FTCD: variants seen among roughly 807,000 people sequenced by gnomAD.
FTCD encodes formimidoyltransferase-cyclodeaminase.
In FTCD, 76 loss-of-function variants were observed where a neutral mutation model predicts 62.9. The ratio of observed to expected loss-of-function variants is 1.21; its 90% confidence interval spans 1.00 to 1.46. The LOEUF (loss-of-function observed/expected upper bound fraction) is 1.46. Ranked by LOEUF, FTCD falls within the 40% of genes most tolerant of loss-of-function variation. The pLI is 0.00. For synonymous variants in FTCD, 397 were observed against 336.9 expected, an observed-to-expected ratio of 1.18 and a Z score of -1.95; for missense variants, 845 against 751.3, an observed-to-expected ratio of 1.12 and a Z score of -1.46.
chr21:46,136,356 G>A (rs1390088976), downstream of FTCD: 24 of 1,341,736 alleles, frequency 1.8e-5, no homozygotes, highest in African/African-American at 1.6e-4. Flanking sequence ...TCTCCCAGGA[G>A]CCACTGGTTG....
intron 7 of FTCD, chr21:46,146,533 C>A: frequency 1.7e-6 from 1 of 599,878 alleles, no homozygotes. Flanking sequence ...GCAGGCACCC[C>A]GTACAGGCTT....
chr21:46,136,577 T>C (rs773489540), downstream of FTCD: 88 of 1,562,600 alleles, frequency 5.6e-5, no homozygotes, highest in Non-Finnish European at 7.5e-5. Context: ...CCCCAGGTCC[T>C]CTGAATACCT....
downstream of FTCD, chr21:46,136,422 G>A: frequency 2.5e-6 from 4 of 1,612,282 alleles, no homozygotes; most frequent in Non-Finnish European, 3.4e-6. Flanking sequence ...GAACTGTCCA[G>A]ACCTGCCGGG....
chr21:46,147,095 C>T (rs1296813857), intron 7 of FTCD, among the ~76,000 whole-genome samples: 1 of 152,244 alleles, frequency 6.6e-6, no homozygotes, highest in Non-Finnish European at 1.5e-5. Context: ...CAGCCTGGAG[C>T]TGGGTCTGCC....
chr21:46,143,139 G>A (rs961112235), intron 10 of FTCD, among the ~76,000 whole-genome samples: 2 of 152,172 alleles, frequency 1.3e-5, no homozygotes, highest in Admixed American at 1.3e-4. Context: ...GTGCCTGTGT[G>A]TGGATTCCAC....
In FTCD at chr21:46,146,019, C is replaced by T. The variant is rs184055045; in HGVS notation, c.969-72G>A. On this transcript the variant is annotated intron_variant, in intron 8 of 13. Coordinates refer to ENST00000397746, the MANE Select transcript of FTCD (RefSeq NM_206965.2). ...GGAGCGCAGTCCTCCCGGGGCGGCC[C>T]CAGGCCCCACGCCCGTCTGCACCCA... 787 of 948,976 alleles carry T rather than the reference C, an allele frequency of 8.3e-4. 3 individuals carry two copies. The African/African-American group carries it at 9.1e-3, about 11-fold the overall frequency. 58.8% of individuals were successfully genotyped at this position (948,976 alleles called of 1,614,324 possible).
In FTCD at chr21:46,145,810, G is replaced by C. The variant is rs758427060; in HGVS notation, c.1098+8C>G. The C allele has an allele frequency of 1.5e-4, 20 of 133,438 alleles. No individual in the cohort carries two copies. The highest frequency in any genetic ancestry group is 1.7e-4 in the Non-Finnish European group (19 of 109,580). 8.3% of individuals were successfully genotyped at this position (133,438 alleles called of 1,614,324 possible). A position where few individuals can be genotyped will look rare whatever the true frequency, so the allele number is the denominator to read the frequency against. Reference sequence around the variant, plus strand: ...CTGCGCCTCCCCTGCCCCTCCCCCCGCGCTCACCATGGCCGCAGCGGCCGC... The same window carrying C: ...CTGCGCCTCCCCTGCCCCTCCCCCCCCGCTCACCATGGCCGCAGCGGCCGC... On this transcript the variant is annotated splice_region_variant and intron_variant, in intron 9 of 13. Coordinates refer to ENST00000397746, the MANE Select transcript of FTCD (RefSeq NM_206965.2).
chr21:46,154,352 C>G lies in FTCD; in HGVS notation c.55-20G>C, dbSNP rs1031609889. 1 of 1,603,578 alleles carries G rather than the reference C, an allele frequency of 6.2e-7. No homozygotes were observed. The highest frequency in any genetic ancestry group is 1.3e-5 in the African/African-American group (1 of 74,642). On this transcript the variant is annotated intron_variant, in intron 1 of 13. Coordinates refer to ENST00000397746, the MANE Select transcript of FTCD (RefSeq NM_206965.2). ...GATCACCTGGGACACAGGCCCGGCC[C>G]CCACACCTCAGTCTCCCCGTTTGAA...
Position 46,145,437 on chromosome 21 carries a change from C to A in FTCD, c.1240G>T (p.Glu414Ter). ...KLTTLVDADA[E>*]AFTAYLEAMR... ...CTCACCAGGTAGGCGGTGAAGGCCTCGGCGTCGGCATCCACCAGCGTGGTT... is the reference window on the plus strand; with the variant it reads ...CTCACCAGGTAGGCGGTGAAGGCCTAGGCGTCGGCATCCACCAGCGTGGTT... Residue 414 changes from glutamate to a stop codon, truncating the protein, a stop_gained, in exon 10 of 14, where the codon GAG becomes TAG. Coordinates refer to ENST00000397746, the MANE Select transcript of FTCD (RefSeq NM_206965.2). LOFTEE classifies it high-confidence loss of function. 6.4e-7 allele frequency: 1 copy of A among 1,555,854 alleles called. No homozygotes were observed.
At chr21:46,152,320 C>A in intron 3 of FTCD, 1 of 294,140 alleles carries the variant, frequency 3.4e-6, no homozygotes, top group Non-Finnish European at 6.3e-6. Context: ...ATAAATATAA[C>A]GGCAGAGAAG....
At position 46,150,190 on chromosome 21, in the gene FTCD, G is replaced by A. The variant is rs112198665; in HGVS notation, c.835C>T (p.Leu279=). Residue 279 remains leucine, a synonymous_variant, in exon 7 of 14, where the codon CTG becomes TTG. Transcript: ENST00000397746. ...LVGLVPLKAL[L]DAAAFYCEKE... is the part of the protein sequence containing the mutation. ...TCGCAGTAGAAGGCGGCCGCATCCAGCAGAGCCTTCAGGGGCACCAGGCCC... is the reference window on the plus strand; with the variant it reads ...TCGCAGTAGAAGGCGGCCGCATCCAACAGAGCCTTCAGGGGCACCAGGCCC... The A allele has an allele frequency of 1.1e-4, 184 of 1,609,556 alleles. No homozygotes were observed. The East Asian group carries it at 4.0e-3, about 35-fold the overall frequency.
At chr21:46,140,539 G>A (rs1601301904) in intron 10 of FTCD, among the ~76,000 whole-genome samples, 1 of 145,638 alleles carries the variant, frequency 6.9e-6, no homozygotes, top group Admixed American at 6.9e-5. Context: ...TGCTCAGAGG[G>A]AGTGTAAACC....
At chr21:46,138,380 A>G in intron 12 of FTCD, 128 bp downstream of exon 12, 1 of 857,564 alleles carries the variant, frequency 1.2e-6, no homozygotes, top group East Asian at 2.7e-5. Flanking sequence ...AGCCCCGGGA[A>G]CTGCCCGTGA....
At chr21:46,137,214 G>A in intron 13 of FTCD, 25 bp downstream of exon 13, 1 of 1,590,834 alleles carries the variant, frequency 6.3e-7, no homozygotes, top group Non-Finnish European at 8.6e-7. Context: ...GTGGGGTCCG[G>A]GCACCACACC....
chr21:46,147,887 G>A (rs1338163742), intron 7 of FTCD, among the ~76,000 whole-genome samples: 2 of 148,002 alleles, frequency 1.4e-5, no homozygotes, highest in East Asian at 4.1e-4. Context: ...AGGTTGCAGT[G>A]AGCCGAGATC....
intron 10 of FTCD, 144 bp downstream of exon 10, chr21:46,145,273 G>A (rs1046494255): frequency 1.0e-4 from 69 of 673,222 alleles, no homozygotes; most frequent in Non-Finnish European, 1.5e-4. Context: ...TCAAGGTCCA[G>A]ACAGCGGCCA....
At position 46,154,282 on chromosome 21, in the gene FTCD, C is replaced by G. The variant is rs1171782135; in HGVS notation, c.105G>C (p.Leu35=). ...GAITQTPGCV[L]LDVDAGPSTN... is the part of the protein sequence containing the mutation. ...TGGAAGGGCCTGCGTCCACATCCAG[C>G]AGCACGCAGCCCGGGGTCTGTGTGA... is the stretch of plus-strand genomic sequence containing the variant. Residue 35 remains leucine, a synonymous_variant, in exon 2 of 14, where the codon CTG becomes CTC. Transcript: ENST00000397746. 6.2e-7 allele frequency: 1 copy of G among 1,612,326 alleles called. No individual in the cohort carries two copies. The highest frequency in any genetic ancestry group is 8.5e-7 in the Non-Finnish European group (1 of 1,179,854).
chr21:46,154,907 G>A (rs1430698880), intron 1 of FTCD, among the ~76,000 whole-genome samples: 1 of 152,226 alleles, frequency 6.6e-6, no homozygotes, highest in Non-Finnish European at 1.5e-5. Flanking sequence ...CTTCCAGGTG[G>A]CCCTTAGGGC....
rs943509667 is a variant in FTCD, at chr21:46,146,008, C to T, written c.969-61G>A. ...GGTTGGTGGGGGGAGCGCAGTCCTC[C>T]CGGGGCGGCCCCAGGCCCCACGCCC... On this transcript the variant is annotated intron_variant, in intron 8 of 13. Transcript: ENST00000397746. 1.0e-5 allele frequency: 11 copies of T among 1,069,230 alleles called. No homozygotes were observed. In the African/African-American group the frequency reaches 1.5e-4, roughly 14 times the overall value. The allele number at this position is 1,069,230 out of a possible 1,614,324, so 66.2% of individuals were successfully genotyped here.
Sources: gnomAD v4.1 joint callset for allele counts (sites outside exome capture counted in the v4.1 genomes callset) on GRCh38, gnomAD v4.1.1 for gene constraint, MANE v1.5 for transcripts, NCBI Gene and HGNC (gene_info 2026-07-23, HGNC 2026-07-21) for gene names.